Variants in DENND10 observed in about 807,000 individuals in gnomAD.
DENND10 encodes DENN domain containing 10.
Under a neutral mutation model 43.6 loss-of-function variants are expected in DENND10, and 24 were observed. That is an observed-to-expected ratio of 0.55 (90% confidence interval 0.40 to 0.77). The LOEUF is 0.77. Among genes scored for constraint, DENND10 ranks in the 30% least tolerant of loss-of-function variants. DENND10 has a pLI of 0.00. For missense variants in DENND10, 303 were observed against 429.9 expected (o/e 0.70, Z 2.61); for synonymous variants, 125 against 157.6 (o/e 0.79, Z 1.55).
At chr10:119,117,976 CAAAA>C (rs994080955) in intron 4 of DENND10, among the ~76,000 whole-genome samples, 1 of 150,916 alleles carries the variant, frequency 6.6e-6, no homozygotes, top group Non-Finnish European at 1.5e-5. Flanking sequence ...AAAAAAAAAA[CAAAA>C]AACAAAAAAA....
chr10:119,135,261 C>T (rs1846274177), intron 8 of DENND10: 1 of 152,000 alleles, frequency 6.6e-6, no homozygotes, highest in African/African-American at 2.4e-5. Context: ...AATGTGGTCC[C>T]TGGTTGACCA....
intron 6 of DENND10, 158 bp from the exon 7 acceptor site, chr10:119,129,357 G>A (rs2133523612): frequency 1.6e-6 from 1 of 606,850 alleles, no homozygotes; most frequent in South Asian, 2.0e-5. Context: ...GCAACTGATA[G>A]TAATGTAGTC....
At chr10:119,135,899 G>C (rs11198798) in intron 8 of DENND10, among the ~76,000 whole-genome samples, 4 of 148,380 alleles carry the variant, frequency 2.7e-5, no homozygotes, top group African/African-American at 1.0e-4. Flanking sequence ...TATCAGGCCA[G>C]ATGCAGTGGC....
At chr10:119,123,679 A>T in intron 6 of DENND10, 110 bp downstream of exon 6, 1 of 798,312 alleles carries the variant, frequency 1.3e-6, no homozygotes. Flanking sequence ...GCACGATCTT[A>T]GCTCACCGCA....
intron 6 of DENND10, among the ~76,000 whole-genome samples, chr10:119,127,204 TA>T (rs1845878600): frequency 6.6e-6 from 1 of 152,114 alleles, no homozygotes; most frequent in African/African-American, 2.4e-5. Flanking sequence ...GTGCCTGGCC[TA>T]AACATTTTTA....
chr10:119,107,243 G>A (rs1213125000), intron 1 of DENND10, among the ~76,000 whole-genome samples: 2 of 151,568 alleles, frequency 1.3e-5, no homozygotes, highest in African/African-American at 4.9e-5. Flanking sequence ...TTTGAACCTG[G>A]GAGCCAAGAT....
rs1315572227 is a variant in DENND10, at chr10:119,132,496, A to C, written c.803-19A>C. 3 of 1,586,018 alleles carry C rather than the reference A, an allele frequency of 1.9e-6. No homozygotes were observed. The highest frequency in any genetic ancestry group is 2.6e-6 in the Non-Finnish European group (3 of 1,155,142). On this transcript the variant is annotated intron_variant, in intron 7 of 8. Transcript: ENST00000361432. The surrounding 1 kb of genome is among the most constrained non-coding windows in gnomAD (Gnocchi z 4.2). ...TTTTTATGTCGATTTCTAAATATTCACCTTCTTGATCTCACCAGAGGCCAT... is the reference window on the plus strand; with the variant it reads ...TTTTTATGTCGATTTCTAAATATTCCCCTTCTTGATCTCACCAGAGGCCAT...
rs142066193 is a variant in DENND10, at chr10:119,107,137, C to T, written c.56-831C>T. Among the ~76,000 whole-genome samples, 729 of 151,924 alleles carry T rather than the reference C, an allele frequency of 4.8e-3. 30 individuals are homozygous for T. In the East Asian group the frequency reaches 0.11, roughly 22 times the overall value. The stretch of plus-strand genomic sequence containing the variant: ...TTCAAGACCAGCCTGGCTAACATGG[C>T]GAAACCCTGTCTCTACTAAAACTAC... On this transcript the variant is annotated intron_variant, in intron 1 of 8. Transcript: ENST00000361432.
chr10:119,108,959 A>C (rs1844835937), intron 2 of DENND10, among the ~76,000 whole-genome samples: 1 of 151,940 alleles, frequency 6.6e-6, no homozygotes, highest in East Asian at 1.9e-4. Flanking sequence ...TCACGCCAGT[A>C]ATCCCAGCAT....
intron 8 of DENND10, chr10:119,133,886 A>G (rs1846191585): frequency 2.0e-5 from 3 of 152,238 alleles, no homozygotes; most frequent in Admixed American, 2.0e-4. Flanking sequence ...TGAGTTTTGC[A>G]TTACTGTGTT....
chr10:119,132,785 C>G lies in DENND10; in HGVS notation c.897+176C>G, dbSNP rs1012630104. ...GATGGACAAGCAGGTGCAGGCTGGC[C>G]TGATCTAGTTAGTTACTGGGCTCGA... On this transcript the variant is annotated intron_variant, in intron 8 of 8. Coordinates refer to ENST00000361432, the MANE Select transcript of DENND10 (RefSeq NM_207009.4). This position sits in a 1 kb window ranked among gnomAD's most constrained non-coding sequence, Gnocchi z 4.2. 2.2e-5 allele frequency: 14 copies of G among 623,764 alleles called. No individual in the cohort carries two copies. Among genetic ancestry groups the G allele is most frequent in the Admixed American group, 1.4e-4 (5 of 36,800 alleles). The allele number at this position is 623,764 out of a possible 1,614,324, so 38.6% of individuals were successfully genotyped here.
At chr10:119,106,328 T>C (rs1201540179) in intron 1 of DENND10, among the ~76,000 whole-genome samples, 2 of 152,252 alleles carry the variant, frequency 1.3e-5, no homozygotes, top group African/African-American at 4.8e-5. Flanking sequence ...ATGGTAATTC[T>C]GTTTTCAATA....
intron 1 of DENND10, among the ~76,000 whole-genome samples, chr10:119,106,783 G>A (rs531008650): frequency 3.3e-5 from 5 of 152,270 alleles, no homozygotes; most frequent in Admixed American, 2.6e-4. Flanking sequence ...GGTGGCTCAC[G>A]CCTATAATCC....
At chr10:119,115,635 C>T (rs993786973) in intron 3 of DENND10, among the ~76,000 whole-genome samples, 9 of 149,722 alleles carry the variant, frequency 6.0e-5, no homozygotes, top group African/African-American at 9.8e-5. Context: ...GTGATCCGCC[C>T]GCCTCGGCCT....
rs775426129 is a variant in DENND10 at position 119,132,531 on chromosome 10, C to CAA, written c.821_822dup (p.Leu275AsnfsTer9). 1.2e-5 allele frequency: 20 copies of CAA among 1,613,916 alleles called. No homozygotes were observed. Among genetic ancestry groups the CAA allele is most frequent in the Middle Eastern group, 3.3e-4 (2 of 6,062 alleles). On this transcript the variant is annotated frameshift_variant, in exon 8 of 9. Coordinates refer to ENST00000361432, the MANE Select transcript of DENND10 (RefSeq NM_207009.4). LOFTEE classifies it high-confidence loss of function. The surrounding 1 kb of genome is among the most constrained non-coding windows in gnomAD (Gnocchi z 4.2). ...TCTCACCAGAGGCCATGGCAATGGG[C>CAA]AAACTGCACAAAGAAATGGGTCAGC... is the stretch of plus-strand genomic sequence containing the variant.
chr10:119,117,816 A>T (rs1845368830), intron 4 of DENND10, 149 bp downstream of exon 4: 1 of 719,466 alleles, frequency 1.4e-6, no homozygotes, highest in Non-Finnish European at 2.1e-6. Flanking sequence ...AAATACAAAA[A>T]ATTAGCCGGG....
rs1414059834 is a variant in DENND10, at chr10:119,126,892, TTTTTC to T, written c.695-2613_695-2609del. 2.0e-3 allele frequency among the ~76,000 whole-genome samples: 308 copies of T among 150,934 alleles called. 1 individual carries two copies. The highest frequency in any genetic ancestry group is 7.1e-3 in the African/African-American group (292 of 41,156). The stretch of plus-strand genomic sequence containing the variant: ...TTTCTTATGAAAATTTTTCTTTCTC[TTTTTC>T]TTTTCTTTTTTTTTTTTTTGAGACA... On this transcript the variant is annotated intron_variant, in intron 6 of 8. Coordinates refer to ENST00000361432, the MANE Select transcript of DENND10 (RefSeq NM_207009.4).
Position 119,107,999 on chromosome 10 carries a change from G to A in DENND10, c.87G>A (p.Val29=). ...EKDTNGEVLW[V]WCYPSTTATL... ...ACACAAATGGAGAAGTTCTGTGGGTGTGGTGTTATCCTTCCACGACAGCCA... is the reference window on the plus strand; with the variant it reads ...ACACAAATGGAGAAGTTCTGTGGGTATGGTGTTATCCTTCCACGACAGCCA... The change falls in exon 2 of 9, where the codon GTG becomes GTA. Residue 29 remains valine (V), a synonymous_variant. Transcript: ENST00000361432. 2.5e-6 allele frequency: 4 copies of A among 1,614,090 alleles called. No individual in the cohort carries two copies. Among genetic ancestry groups the A allele is most frequent in the Non-Finnish European group, 3.4e-6 (4 of 1,179,942 alleles).
At chr10:119,109,086 C>T (rs1844843897) in intron 2 of DENND10, among the ~76,000 whole-genome samples, 1 of 151,492 alleles carries the variant, frequency 6.6e-6, no homozygotes, top group South Asian at 2.1e-4. Flanking sequence ...CGTGGTGGCG[C>T]ATGCCTGTAA....
Sources: allele counts gnomAD v4.1 joint callset (sites outside exome capture counted in the v4.1 genomes callset), GRCh38; gene constraint gnomAD v4.1.1; non-coding constraint Gnocchi (gnomAD v3.1); transcripts MANE v1.5; gene names NCBI Gene and HGNC (gene_info 2026-07-23, HGNC 2026-07-21).